The following CMTM4 variants were observed in gnomAD, a reference collection of about 807,000 sequenced individuals.
CMTM4 encodes the protein CKLF-like MARVEL transmembrane domain-containing protein 4.
In CMTM4, 8 loss-of-function variants were observed where a neutral mutation model predicts 19.0. The observed-to-expected ratio is 0.42, with a 90% confidence interval of 0.25 to 0.76. CMTM4 has a LOEUF of 0.76. CMTM4 is among the 30% of genes least tolerant of loss of function. The pLI, the probability that CMTM4 is intolerant of heterozygous loss-of-function variation, is 0.27. For synonymous variants in CMTM4, 106 were observed against 121.1 expected (o/e 0.88, Z 0.82); for missense variants, 228 against 290.2 (o/e 0.79, Z 1.56).
At chr16:66,610,297 C>T (rs539687371), downstream of CMTM4, among the ~76,000 whole-genome samples, 19 of 152,250 alleles carry the variant, frequency 1.2e-4, no homozygotes, top group East Asian at 3.9e-4. The surrounding 1 kb of genome is among the most constrained non-coding windows in gnomAD (Gnocchi z 4.6). Context: ...CAGTCACTCT[C>T]GGGCACCTGT....
intron 1 of CMTM4, among the ~76,000 whole-genome samples, chr16:66,669,015 T>A (rs192127175): frequency 6.6e-6 from 1 of 152,206 alleles, no homozygotes; most frequent in East Asian, 1.9e-4. Context: ...AAACCTACAT[T>A]CACAGAAAAA....
rs949953767 is a variant in CMTM4 at position 66,616,526 on chromosome 16, G to GCC, written c.*5530_*5531dup. ...AGAGTGAAAGAGTTGGGAACAGGCA[G>GCC]CCCCCTTTGGGCCTGGGTCAGCCTA... On this transcript the variant is annotated 3_prime_UTR_variant, in exon 4 of 4. Transcript: ENST00000394106. The GCC allele has an allele frequency of 7.2e-5, 11 of 152,322 alleles. No homozygotes were observed. Among genetic ancestry groups the GCC allele is most frequent in the African/African-American group, 2.6e-4 (11 of 41,560 alleles). The allele number at this position is 152,322 out of a possible 1,614,324, so 9.4% of individuals were successfully genotyped here.
intron 1 of CMTM4, among the ~76,000 whole-genome samples, chr16:66,682,045 A>T (rs900417123): frequency 6.6e-6 from 1 of 152,122 alleles, no homozygotes; most frequent in Non-Finnish European, 1.5e-5. Flanking sequence ...AGGTGGTCCA[A>T]TGGTTTGTGT....
downstream of CMTM4, chr16:66,612,652 C>A: frequency 6.2e-7 from 1 of 1,613,498 alleles, no homozygotes; most frequent in Non-Finnish European, 8.5e-7. This position sits in a 1 kb window ranked among gnomAD's most constrained non-coding sequence, Gnocchi z 6.0. Flanking sequence ...CTGGCGGGTG[C>A]CTTGGCAACC....
chr16:66,616,164 TTAAC>T lies in CMTM4; in HGVS notation c.*5890_*5893del, dbSNP rs1240935943. 6.6e-6 allele frequency: 1 copy of T among 152,162 alleles called. No individual in the cohort carries two copies. Among genetic ancestry groups the T allele is most frequent in the Non-Finnish European group, 1.5e-5 (1 of 68,024 alleles). 9.4% of individuals were successfully genotyped at this position (152,162 alleles called of 1,614,324 possible). On this transcript the variant is annotated 3_prime_UTR_variant, in exon 4 of 4. Coordinates refer to ENST00000394106, the MANE Select transcript of CMTM4 (RefSeq NM_181521.3). ...TGCTACAAAAATAGTGTTATCTTGT[TTAAC>T]TAAATGTACATCTTTTTTTCCAATT...
chr16:66,662,467 A>G (rs1285532900), intron 1 of CMTM4, among the ~76,000 whole-genome samples: 1 of 152,216 alleles, frequency 6.6e-6, no homozygotes, highest in East Asian at 1.9e-4. Context: ...TAACACTCAT[A>G]GACATTGAAC....
intron 1 of CMTM4, among the ~76,000 whole-genome samples, chr16:66,638,063 T>C (rs537373218): frequency 6.6e-6 from 1 of 152,334 alleles, no homozygotes; most frequent in South Asian, 2.1e-4. Flanking sequence ...CTCCACTTGA[T>C]GATGCCGCCA....
At chr16:66,686,546 CAAAAAA>C (rs35913878) in intron 1 of CMTM4, among the ~76,000 whole-genome samples, 1 of 87,244 alleles carries the variant, frequency 1.1e-5, no homozygotes, top group South Asian at 4.0e-4. Context: ...GACTCTGTCT[CAAAAAA>C]AAAAAAAAAA....
In CMTM4 at chr16:66,619,090, G is replaced by A. The variant is rs1446195320; in HGVS notation, c.*2968C>T. On this transcript the variant is annotated 3_prime_UTR_variant, in exon 4 of 4. Transcript: ENST00000394106. ...GAGATTTTAATCTGAAACTGCATCT[G>A]TTCTTCCCAGCTTTATGTGGGGCCA... is the stretch of plus-strand genomic sequence containing the variant. 2 of 985,352 alleles carry A rather than the reference G, an allele frequency of 2.0e-6. No individual in the cohort carries two copies. The highest frequency in any genetic ancestry group is 2.4e-6 in the Non-Finnish European group (2 of 829,940). 61.0% of individuals were successfully genotyped at this position (985,352 alleles called of 1,614,324 possible).
rs2015593335 is a variant in CMTM4 at position 66,619,674 on chromosome 16, C to G, written c.*2384G>C. On this transcript the variant is annotated 3_prime_UTR_variant, in exon 4 of 4. Coordinates refer to ENST00000394106, the MANE Select transcript of CMTM4 (RefSeq NM_181521.3). ...TCCAGAACTTTCGTCACCACGTGGT[C>G]TATACATGATGACATGTGCAACCAC... The G allele has an allele frequency of 1.0e-6, 1 of 985,204 alleles. No homozygotes were observed. The highest frequency in any genetic ancestry group is 4.7e-5 in the South Asian group (1 of 21,286). The allele number at this position is 985,204 out of a possible 1,614,324, so 61.0% of individuals were successfully genotyped here.
chr16:66,598,734 G>T, the CMTM4 span, among the ~76,000 whole-genome samples: 1 of 151,866 alleles, frequency 6.6e-6, no homozygotes, highest in African/African-American at 2.4e-5. Flanking sequence ...ACATTGCTTT[G>T]TTTATCAATG....
chr16:66,690,612 A>G (rs1175906879), intron 1 of CMTM4, among the ~76,000 whole-genome samples: 1 of 152,164 alleles, frequency 6.6e-6, no homozygotes, highest in South Asian at 2.1e-4. Context: ...AATAAAAGAG[A>G]TGCCATTACC....
At chr16:66,673,080 T>TA (rs2016742914) in intron 1 of CMTM4, among the ~76,000 whole-genome samples, 1 of 133,976 alleles carries the variant, frequency 7.5e-6, no homozygotes, top group South Asian at 2.8e-4. Context: ...AATTTTTTTT[T>TA]TTTTTTTTTT....
At chr16:66,606,872 A>G in the CMTM4 span, among the ~76,000 whole-genome samples, 1 of 152,206 alleles carries the variant, frequency 6.6e-6, no homozygotes, top group Admixed American at 6.5e-5. Flanking sequence ...GGGCGCCTGT[A>G]ATCCCAGCTA....
intron 1 of CMTM4, among the ~76,000 whole-genome samples, chr16:66,641,939 C>A (rs1392523036): frequency 6.6e-6 from 1 of 152,164 alleles, no homozygotes; most frequent in Non-Finnish European, 1.5e-5. Flanking sequence ...TTAATAATTA[C>A]ATGTATTCAT....
At chr16:66,656,749 T>C (rs2016404842) in intron 1 of CMTM4, among the ~76,000 whole-genome samples, 1 of 151,934 alleles carries the variant, frequency 6.6e-6, no homozygotes, top group Admixed American at 6.6e-5. Context: ...CTACATCATC[T>C]GCCTCTGATA....
At chr16:66,661,119 A>AG (rs983211158) in intron 1 of CMTM4, among the ~76,000 whole-genome samples, 99 of 152,344 alleles carry the variant, frequency 6.5e-4, no homozygotes, top group African/African-American at 2.0e-3. Flanking sequence ...GCTCAGGTGA[A>AG]GGGCCACTTA....
rs1051785653 is a variant in CMTM4 at position 66,618,731 on chromosome 16, C to G, written c.*3327G>C. ...CTTCCAAGAACCACAGATGTAACTG[C>G]AAACTTGAAGAGAGTCAGAATGTTT... is the stretch of plus-strand genomic sequence containing the variant. On this transcript the variant is annotated 3_prime_UTR_variant, in exon 4 of 4. Transcript: ENST00000394106. 1 of 985,374 alleles carries G rather than the reference C, an allele frequency of 1.0e-6. No homozygotes were observed. The highest frequency in any genetic ancestry group is 1.7e-5 in the African/African-American group (1 of 57,250). 61.0% of individuals were successfully genotyped at this position (985,374 alleles called of 1,614,324 possible).
At chr16:66,673,942 T>A (rs2016758512) in intron 1 of CMTM4, among the ~76,000 whole-genome samples, 1 of 152,224 alleles carries the variant, frequency 6.6e-6, no homozygotes, top group African/African-American at 2.4e-5. Flanking sequence ...CCATGGCCAC[T>A]GCATTCCACC....
Sources: allele counts gnomAD v4.1 joint callset (sites outside exome capture counted in the v4.1 genomes callset), GRCh38; gene constraint gnomAD v4.1.1; non-coding constraint Gnocchi (gnomAD v3.1); transcripts MANE v1.5; gene names NCBI Gene and HGNC (gene_info 2026-07-23, HGNC 2026-07-21).